The following SEC22C variants were observed in gnomAD, a reference collection of about 807,000 sequenced individuals.
SEC22C encodes vesicle-trafficking protein SEC22c.
A neutral mutation model predicts 34.7 loss-of-function variants in SEC22C; 29 were observed. The observed-to-expected ratio is 0.84, with a 90% confidence interval of 0.62 to 1.14. The LOEUF (loss-of-function observed/expected upper bound fraction) is 1.14. SEC22C is among the 50% of genes most tolerant of loss of function. The pLI is 0.00. For synonymous variants in SEC22C, 117 were observed against 132.8 expected (o/e 0.88, Z 0.82); for missense variants, 337 against 369.0 (o/e 0.91, Z 0.71).
In SEC22C at chr3:42,549,617, A is replaced by G. The variant is rs1702151676; in HGVS notation, c.*3631T>C. ...GCATGGGTGGGAGAGTTGAACCTCA[A>G]TGCAATCTGCTCCCACTCTGAAGCT... On this transcript the variant is annotated 3_prime_UTR_variant, in exon 7 of 7. Coordinates refer to ENST00000264454, the MANE Select transcript of SEC22C (RefSeq NM_032970.4). 3 of 985,176 alleles carry G rather than the reference A, an allele frequency of 3.0e-6. No individual in the cohort carries two copies. Among genetic ancestry groups the G allele is most frequent in the South Asian group, 4.7e-5 (1 of 21,278 alleles). 61.0% of individuals were successfully genotyped at this position (985,176 alleles called of 1,614,324 possible). A position where few individuals can be genotyped will look rare whatever the true frequency, so the allele number is the denominator to read the frequency against.
intron 6 of SEC22C, among the ~76,000 whole-genome samples, chr3:42,555,481 T>G (rs1451401209): frequency 6.6e-6 from 1 of 152,210 alleles, no homozygotes; most frequent in African/African-American, 2.4e-5. Flanking sequence ...TGAGCCACAA[T>G]GCCTGCCTAG....
rs1427867872 is a variant in SEC22C at position 42,568,908 on chromosome 3, A to T, written c.139T>A (p.Tyr47Asn). The stretch of plus-strand genomic sequence containing the variant: ...CCTTCTGCAGAACCTCGACCTGGAT[A>T]CTGGGCCAGTCGCAAGGCTAAACTC... ...LKSLALRLAQ[Y>N]PGRGSAEGCD... The change falls in exon 2 of 7, where the codon TAT (tyrosine) becomes AAT (asparagine). Residue 47 changes from tyrosine (Y) to asparagine (N), a missense_variant. Tyr to Asn is a moderately radical substitution (Grantham distance 143, BLOSUM62 -2). Transcript: ENST00000264454. 6.2e-7 allele frequency: 1 copy of T among 1,614,212 alleles called. No individual in the cohort carries two copies. Among genetic ancestry groups the T allele is most frequent in the Admixed American group, 1.7e-5 (1 of 60,024 alleles).
chr3:42,553,440 CA>C lies in SEC22C; in HGVS notation c.719del (p.Leu240CysfsTer11). The stretch of plus-strand genomic sequence containing the variant: ...TCCTGGCTGGACTGTAGAACAGGTA[CA>C]AATAACACTGAAATGAGACCAGAAG... ...PFVACIFQCY[L>X]YLFYSPARTM... On this transcript the variant is annotated frameshift_variant, in exon 7 of 7. Coordinates refer to ENST00000264454, the MANE Select transcript of SEC22C (RefSeq NM_032970.4). LOFTEE classifies it high-confidence loss of function. The C allele has an allele frequency of 6.2e-7, 1 of 1,613,636 alleles. No homozygotes were observed. The highest frequency in any genetic ancestry group is 1.1e-5 in the South Asian group (1 of 90,976).
At chr3:42,574,830 A>C (rs1237102447) in intron 1 of SEC22C, among the ~76,000 whole-genome samples, 4 of 152,110 alleles carry the variant, frequency 2.6e-5, no homozygotes, top group Admixed American at 2.6e-4. Context: ...TGAAATTATT[A>C]TTTTTTGAGA....
chr3:42,580,844 C>T (rs1034683834), intron 1 of SEC22C, among the ~76,000 whole-genome samples: 7 of 152,214 alleles, frequency 4.6e-5, no homozygotes, highest in African/African-American at 1.7e-4. Context: ...ATAAGCTAAT[C>T]AGAGACCTGT....
intron 3 of SEC22C, 66 bp from the exon 4 acceptor site, chr3:42,561,362 C>CA: frequency 1.3e-6 from 2 of 1,504,032 alleles, no homozygotes; most frequent in Non-Finnish European, 1.8e-6. Flanking sequence ...ACAATACGTA[C>CA]AAAATGAAGT....
chr3:42,589,210 A>T (rs937316980), intron 1 of SEC22C, among the ~76,000 whole-genome samples: 2 of 151,416 alleles, frequency 1.3e-5, no homozygotes, highest in South Asian at 4.2e-4. Context: ...CAGAGGTTGC[A>T]GTGAGCCGAG....
At chr3:42,589,622 G>A (rs546150592) in intron 1 of SEC22C, among the ~76,000 whole-genome samples, 17 of 152,294 alleles carry the variant, frequency 1.1e-4, no homozygotes, top group Admixed American at 1.0e-3. Flanking sequence ...AGGATCAGCG[G>A]GAGCATTAGA....
In SEC22C at chr3:42,551,699, C is replaced by T. The variant is rs1342537341; in HGVS notation, c.*1549G>A. The T allele has an allele frequency of 8.3e-6, 8 of 962,700 alleles. No homozygotes were observed. The highest frequency in any genetic ancestry group is 8.6e-6 in the Non-Finnish European group (7 of 809,300). 59.6% of individuals were successfully genotyped at this position (962,700 alleles called of 1,614,324 possible). A position where few individuals can be genotyped will look rare whatever the true frequency, so the allele number is the denominator to read the frequency against. ...AATTCTATTATAAAAAATAAAGTTA[C>T]TATGGCAACATTTTCCCAACATAGT... On this transcript the variant is annotated 3_prime_UTR_variant, in exon 7 of 7. Transcript: ENST00000264454.
chr3:42,591,356 TC>T, intron 1 of SEC22C: 1 of 605,976 alleles, frequency 1.7e-6, no homozygotes, highest in Non-Finnish European at 2.9e-6. Flanking sequence ...GCGACGCCAC[TC>T]CCGGCTAATT....
intron 4 of SEC22C, among the ~76,000 whole-genome samples, chr3:42,560,100 C>A (rs930070126): frequency 2.6e-5 from 3 of 114,460 alleles, no homozygotes; most frequent in Admixed American, 2.5e-4. Context: ...TAAGGATTCT[C>A]TCTCTCTCTC....
At chr3:42,559,909 A>G (rs1194611309) in intron 4 of SEC22C, among the ~76,000 whole-genome samples, 1 of 151,930 alleles carries the variant, frequency 6.6e-6, no homozygotes, top group Admixed American at 6.6e-5. Context: ...CTCTTCCTTC[A>G]CATGAGGTCT....
intron 3 of SEC22C, among the ~76,000 whole-genome samples, chr3:42,561,556 T>A (rs563880422): frequency 1.3e-4 from 20 of 152,220 alleles, no homozygotes; most frequent in African/African-American, 3.1e-4. Flanking sequence ...TTTTCATTTT[T>A]AAATTGTTTT....
rs141409511 is a variant in SEC22C, at chr3:42,575,137, T to G, written c.-27-6064A>C. On this transcript the variant is annotated intron_variant, in intron 1 of 6. Transcript: ENST00000264454. ...TACTGGGATTACAGGCATGAGCCAC[T>G]AGGCCTGGCCTAAAATGTAATTATT... Among the ~76,000 whole-genome samples the G allele has an allele frequency of 3.0e-3, 458 of 152,340 alleles. 3 individuals carry two copies. Among genetic ancestry groups the G allele is most frequent in the African/African-American group, 0.011 (442 of 41,570 alleles).
intron 1 of SEC22C, among the ~76,000 whole-genome samples, chr3:42,599,842 T>C (rs918173448): frequency 6.6e-6 from 1 of 152,128 alleles, no homozygotes; most frequent in Non-Finnish European, 1.5e-5. Flanking sequence ...ATGTAAAACA[T>C]ATATGAGAAC....
At chr3:42,553,909 G>T (rs2068278) in intron 6 of SEC22C, among the ~76,000 whole-genome samples, 41,862 of 151,912 alleles carry the variant, frequency 0.28, 6,610 homozygotes, top group East Asian at 0.47. Context: ...CCTGAGCCAC[G>T]ACTACATTGA....
At chr3:42,579,854 A>G in intron 1 of SEC22C, among the ~76,000 whole-genome samples, 1 of 152,188 alleles carries the variant, frequency 6.6e-6, no homozygotes, top group East Asian at 1.9e-4. Context: ...TCACTGAAAC[A>G]AGAAATGCAG....
chr3:42,589,074 C>A (rs1704718104), intron 1 of SEC22C, among the ~76,000 whole-genome samples: 1 of 151,756 alleles, frequency 6.6e-6, no homozygotes, highest in South Asian at 2.1e-4. Flanking sequence ...ACTAGCCTGA[C>A]CAATATGGTG....
intron 1 of SEC22C, chr3:42,581,353 T>G (rs1454491372): frequency 6.6e-6 from 1 of 152,234 alleles, no homozygotes. Flanking sequence ...GCTCTGGAGG[T>G]ACATGTGTAA....
Sources: gnomAD v4.1 joint callset for allele counts (sites outside exome capture counted in the v4.1 genomes callset) on GRCh38, gnomAD v4.1.1 for gene constraint, MANE v1.5 for transcripts, NCBI Gene and HGNC (gene_info 2026-07-23, HGNC 2026-07-21) for gene names.